Variants in CTBP2 observed in about 807,000 individuals in gnomAD.
CTBP2 encodes the protein C-terminal-binding protein 2.
CTBP2 carries 30 observed loss-of-function variants against 80.3 expected under a neutral mutation model. The observed-to-expected ratio is 0.37, with a 90% CI of 0.28 to 0.51. CTBP2 has a LOEUF of 0.51. Among genes scored for constraint, CTBP2 ranks in the 20% least tolerant of loss-of-function variants. The pLI is 0.93. For missense variants in CTBP2, 1,212 were observed against 1,375.3 expected, an observed-to-expected ratio of 0.88 and a Z score of 1.88; for synonymous variants, 594 against 587.4, an observed-to-expected ratio of 1.01 and a Z score of -0.16.
At chr10:125,025,010 G>T (rs764707734) in intron 1 of CTBP2, among the ~76,000 whole-genome samples, 1 of 152,124 alleles carries the variant, frequency 6.6e-6, no homozygotes, top group Non-Finnish European at 1.5e-5. Context: ...GCCACACAGC[G>T]ATGGCAGAGA....
Position 125,027,754 on chromosome 10 carries a change from T to C in CTBP2, c.6A>G (p.Pro2=), listed in dbSNP as rs142429792. 251 of 1,574,866 alleles carry C rather than the reference T, an allele frequency of 1.6e-4. No homozygotes were observed. The African/African-American group carries it at 3.1e-3, about 19-fold the overall frequency. Residue 2 remains proline (P), a synonymous_variant, in exon 1 of 9, where the codon CCA becomes CCG. Transcript: ENST00000309035. ...CAATATTTATATGCCTGCTGGGAACTGGCATTGGAAAAAAAATGACTGCGG... is the reference window on the plus strand; with the variant it reads ...CAATATTTATATGCCTGCTGGGAACCGGCATTGGAAAAAAAATGACTGCGG...
At chr10:125,076,611 A>T (rs919303287) in intron 2 of CTBP2, among the ~76,000 whole-genome samples, 1 of 152,152 alleles carries the variant, frequency 6.6e-6, no homozygotes, top group African/African-American at 2.4e-5. Flanking sequence ...CGCAGCACAG[A>T]CTTCACTTTC....
At chr10:125,132,418 C>T (rs1856332061) in intron 1 of CTBP2, among the ~76,000 whole-genome samples, 1 of 152,208 alleles carries the variant, frequency 6.6e-6, no homozygotes, top group Non-Finnish European at 1.5e-5. Context: ...TTCCAACAGC[C>T]TTGTCAGAAA....
intron 4 of CTBP2, 46 bp from the exon 7 acceptor site, chr10:124,994,729 C>T (rs767174009): frequency 6.3e-7 from 1 of 1,585,228 alleles, no homozygotes; most frequent in South Asian, 1.1e-5. Context: ...ACAGCCCGCG[C>T]CCCAGCGCTG....
chr10:125,053,905 G>A (rs577588646), intron 2 of CTBP2, among the ~76,000 whole-genome samples: 72 of 152,300 alleles, frequency 4.7e-4, no homozygotes, highest in Non-Finnish European at 9.3e-4. Flanking sequence ...ATTCCACACA[G>A]GGACCCTCAC....
Position 124,986,699 on chromosome 10 carries a change from G to A in CTBP2, c.*2819C>T, listed in dbSNP as rs1457503526. 5 of 152,172 alleles carry A rather than the reference G, an allele frequency of 3.3e-5. No homozygotes were observed. The highest frequency in any genetic ancestry group is 3.3e-4 in the Admixed American group (5 of 15,274). The allele number at this position is 152,172 out of a possible 1,614,324, so 9.4% of individuals were successfully genotyped here. A position where few individuals can be genotyped will look rare whatever the true frequency, so the allele number is the denominator to read the frequency against. On this transcript the variant is annotated 3_prime_UTR_variant, in exon 9 of 9. Coordinates refer to ENST00000309035, the MANE Select transcript of CTBP2 (RefSeq NM_022802.3). ...TGGCCAATAAGTAATCAAGTTTGTA[G>A]AAAATGTTAGCATTCTGACTACTTA...
Position 125,026,369 on chromosome 10 carries a change from G to A in CTBP2, c.1391C>T (p.Thr464Ile). The A allele has an allele frequency of 6.2e-7, 1 of 1,613,196 alleles. No homozygotes were observed. Among genetic ancestry groups the A allele is most frequent in the Non-Finnish European group, 8.5e-7 (1 of 1,179,476 alleles). Reference sequence around the variant, plus strand: ...AAGGGGGTTTGAGGGGCCCGGGTTAGTCAAGGCCACCCCTGCCTGCAGGGG... The same window carrying A: ...AAGGGGGTTTGAGGGGCCCGGGTTAATCAAGGCCACCCCTGCCTGCAGGGG... Residue 464 changes from threonine (T) to isoleucine (I), a missense_variant, in exon 1 of 9, where the codon ACT (threonine) becomes ATT (isoleucine). Physicochemically the swap from Thr to Ile is moderately conservative, Grantham distance 89 (BLOSUM62 -1). Coordinates refer to ENST00000309035, the MANE Select transcript of CTBP2 (RefSeq NM_022802.3).
At position 125,003,332 on chromosome 10, in the gene CTBP2, G is replaced by A; in HGVS notation, c.1833+6C>T. The A allele has an allele frequency of 1.2e-6, 2 of 1,607,340 alleles. No homozygotes were observed. The highest frequency in any genetic ancestry group is 1.7e-6 in the Non-Finnish European group (2 of 1,178,716). The stretch of plus-strand genomic sequence containing the variant: ...TGCAGGCCCCGGCCGGGCAGGGTGG[G>A]CCCACCTTCTCGTGGATTTCCTGCG... On this transcript the variant is annotated splice_donor_region_variant and intron_variant, in intron 2 of 8. Transcript: ENST00000309035.
intron 2 of CTBP2, among the ~76,000 whole-genome samples, chr10:125,084,997 T>G (rs1380161025): frequency 2.6e-5 from 4 of 152,156 alleles, no homozygotes; most frequent in Non-Finnish European, 4.4e-5. Context: ...GCCCTCTCCT[T>G]AGCAACAGCT....
chr10:125,082,573 T>C (rs1326211479), intron 2 of CTBP2, among the ~76,000 whole-genome samples: 2 of 151,168 alleles, frequency 1.3e-5, no homozygotes, highest in Non-Finnish European at 2.9e-5. Context: ...TCCATGATCA[T>C]TCTGCCAGCT....
Position 125,036,666 on chromosome 10 carries a change from GGGGTGTGTGTGTGTGTGTGTGT to G in CTBP2, c.58+2309_58+2330del, listed in dbSNP as rs58316712. 6.7e-3 allele frequency among the ~76,000 whole-genome samples: 677 copies of G among 100,326 alleles called. 7 individuals are homozygous for G. The highest frequency in any genetic ancestry group is 0.029 in the African/African-American group (646 of 22,012). The allele number at this position is 100,326 out of a possible 152,430, so 65.8% of individuals were successfully genotyped here. ...ACATGGTGAGAATTCAAAGCTAGAG[GGGGTGTGTGTGTGTGTGTGTGT>G]GTGTGTGTGTGTGTGTGTGTGTGTG... On this transcript the variant is annotated intron_variant, in intron 3 of 10. Transcript: ENST00000337195.
chr10:124,985,147 A>AGAT lies in CTBP2; in HGVS notation c.*4368_*4370dup. On this transcript the variant is annotated 3_prime_UTR_variant, in exon 9 of 9. Transcript: ENST00000309035. ...TTCCTGGACCACACACACCTTATGG[A>AGAT]GATAATGCCTCTGCTGCGTGAGGAG... 1.7e-6 allele frequency: 1 copy of AGAT among 587,698 alleles called. No homozygotes were observed. The allele number at this position is 587,698 out of a possible 1,614,324, so 36.4% of individuals were successfully genotyped here. A position where few individuals can be genotyped will look rare whatever the true frequency, so the allele number is the denominator to read the frequency against.
rs185815738 is a variant in CTBP2 at position 124,993,947 on chromosome 10, G to T, written c.2439C>A (p.Gly813=). ...CTAAGGCTTTCTCGTCCACCAGGCC[G>T]CCACGGGCTGCGTTCACAAGGAATG... is the stretch of plus-strand genomic sequence containing the variant. Residue 813 remains glycine, a synonymous_variant, in exon 6 of 9, where the codon GGC becomes GGA. Transcript: ENST00000309035. The T allele has an allele frequency of 6.2e-6, 10 of 1,613,836 alleles. No homozygotes were observed. Among genetic ancestry groups the T allele is most frequent in the Non-Finnish European group, 7.6e-6 (9 of 1,179,858 alleles).
At chr10:125,082,586 C>G (rs923629266) in intron 2 of CTBP2, among the ~76,000 whole-genome samples, 3 of 137,606 alleles carry the variant, frequency 2.2e-5, no homozygotes, top group Non-Finnish European at 4.6e-5. Flanking sequence ...TGCCAGCTTT[C>G]CTCTTTTTTT....
intron 2 of CTBP2, among the ~76,000 whole-genome samples, chr10:125,079,224 C>T (rs1055756837): frequency 3.9e-5 from 6 of 151,904 alleles, no homozygotes; most frequent in East Asian, 3.9e-4. Context: ...GGAGCCTGCC[C>T]GGGATATCAC....
chr10:125,131,900 T>A (rs1327290344), intron 1 of CTBP2, among the ~76,000 whole-genome samples: 1 of 152,204 alleles, frequency 6.6e-6, no homozygotes, highest in East Asian at 1.9e-4. Flanking sequence ...ATGTGGGAAC[T>A]ATCATGGAGC....
intron 1 of CTBP2, among the ~76,000 whole-genome samples, chr10:125,154,654 A>T (rs1860604231): frequency 1.5e-4 from 2 of 13,224 alleles, no homozygotes; most frequent in African/African-American, 2.9e-3. Flanking sequence ...GTCGTTGCTA[A>T]AAAAACTGAA....
intron 1 of CTBP2, among the ~76,000 whole-genome samples, chr10:125,155,346 A>G (rs1329352381): frequency 6.6e-6 from 1 of 151,956 alleles, no homozygotes; most frequent in Non-Finnish European, 1.5e-5. Flanking sequence ...CATTCCACAC[A>G]AACAATGGCC....
At chr10:125,052,426 G>T (rs1963000436) in intron 2 of CTBP2, among the ~76,000 whole-genome samples, 1 of 152,232 alleles carries the variant, frequency 6.6e-6, no homozygotes, top group Non-Finnish European at 1.5e-5. Context: ...GTGTTCGCCA[G>T]GGGAGAGACC....
Sources: gnomAD v4.1 joint callset for allele counts (sites outside exome capture counted in the v4.1 genomes callset) on GRCh38, gnomAD v4.1.1 for gene constraint, MANE v1.5 for transcripts, NCBI Gene and HGNC (gene_info 2026-07-23, HGNC 2026-07-21) for gene names.